RNF228: variants seen among roughly 807,000 people sequenced by gnomAD.
RNF228 encodes ring finger protein 228.
At chr2:222,319,429 C>A in the RNF228 span, 9 of 224,840 alleles carry the variant, frequency 4.0e-5, no homozygotes, top group African/African-American at 1.9e-4. The surrounding 1 kb of genome is among the most constrained non-coding windows in gnomAD (Gnocchi z 7.6). Context: ...GCGCGCAGGC[C>A]GGGGCGGGCT....
chr2:222,316,104 T>C, the RNF228 span, among the ~76,000 whole-genome samples: 2 of 152,254 alleles, frequency 1.3e-5, no homozygotes, highest in Non-Finnish European at 2.9e-5. Context: ...ACTTACTTGC[T>C]ATTTCAACAA....
At chr2:222,315,171 T>C in the RNF228 span, among the ~76,000 whole-genome samples, 2 of 152,118 alleles carry the variant, frequency 1.3e-5, no homozygotes, top group Non-Finnish European at 2.9e-5. Flanking sequence ...ATGGTCAGTG[T>C]GAGTCTGGAA....
chr2:222,318,056 C>A, the RNF228 span: 1 of 152,038 alleles, frequency 6.6e-6, no homozygotes, highest in African/African-American at 2.4e-5. Flanking sequence ...GAAAAAAAGG[C>A]GAGGGGAAGG....
the RNF228 span, among the ~76,000 whole-genome samples, chr2:222,319,935 G>A: frequency 6.6e-6 from 1 of 152,106 alleles, no homozygotes; most frequent in African/African-American, 2.4e-5. The surrounding 1 kb of genome is among the most constrained non-coding windows in gnomAD (Gnocchi z 7.6). Flanking sequence ...GACCGTCTCC[G>A]CTGCGTCCCG....
the RNF228 span, among the ~76,000 whole-genome samples, chr2:222,316,365 G>C: frequency 2.0e-5 from 3 of 152,214 alleles, no homozygotes; most frequent in Admixed American, 1.3e-4. Flanking sequence ...ATACTGATCT[G>C]CTAAGTGTGT....
chr2:222,319,862 G>A, the RNF228 span, among the ~76,000 whole-genome samples: 1 of 151,770 alleles, frequency 6.6e-6, no homozygotes. This position sits in a 1 kb window ranked among gnomAD's most constrained non-coding sequence, Gnocchi z 7.6. Context: ...GCGCGCGCCG[G>A]TCCGCGTCGA....
At chr2:222,318,956 G>C in the RNF228 span, 3 of 152,998 alleles carry the variant, frequency 2.0e-5, no homozygotes, top group African/African-American at 4.8e-5. Flanking sequence ...CGAGCGCACC[G>C]AGCCAGAGGC....
the RNF228 span, among the ~76,000 whole-genome samples, chr2:222,319,727 G>A: frequency 6.9e-6 from 1 of 145,914 alleles, no homozygotes; most frequent in East Asian, 2.0e-4. This position sits in a 1 kb window ranked among gnomAD's most constrained non-coding sequence, Gnocchi z 7.6. Context: ...CGGGCGGGCA[G>A]AGCCAGGGCG....
chr2:222,314,391 A>C, the RNF228 span, among the ~76,000 whole-genome samples: 1 of 152,260 alleles, frequency 6.6e-6, no homozygotes, highest in African/African-American at 2.4e-5. Flanking sequence ...CATAACTTCA[A>C]ACTAAGATCT....
At chr2:222,317,784 A>C in the RNF228 span, 1 of 152,228 alleles carries the variant, frequency 6.6e-6, no homozygotes, top group African/African-American at 2.4e-5. Context: ...AAAGGCAGAA[A>C]GACCTTCAGT....
At chr2:222,315,453 TA>T in the RNF228 span, among the ~76,000 whole-genome samples, 2 of 152,216 alleles carry the variant, frequency 1.3e-5, no homozygotes, top group Non-Finnish European at 2.9e-5. Flanking sequence ...CCACTGGGAA[TA>T]GAGTGGCCAG....
the RNF228 span, among the ~76,000 whole-genome samples, chr2:222,315,238 T>C: frequency 1.3e-5 from 2 of 152,172 alleles, no homozygotes; most frequent in African/African-American, 2.4e-5. Flanking sequence ...CAACAGAACA[T>C]TTATCAGCCA....
chr2:222,316,599 C>A, the RNF228 span, among the ~76,000 whole-genome samples: 2 of 152,192 alleles, frequency 1.3e-5, no homozygotes, highest in African/African-American at 2.4e-5. Context: ...AGACAGACTT[C>A]TAGGTTGCCA....
At chr2:222,315,814 G>T in the RNF228 span, among the ~76,000 whole-genome samples, 1 of 151,988 alleles carries the variant, frequency 6.6e-6, no homozygotes, top group African/African-American at 2.4e-5. Context: ...GAGACTGAAT[G>T]TTTAATTCGC....
chr2:222,314,416 C>G, the RNF228 span, among the ~76,000 whole-genome samples: 1 of 152,236 alleles, frequency 6.6e-6, no homozygotes, highest in Non-Finnish European at 1.5e-5. Context: ...GCAGTCATTT[C>G]TAACATTCAT....
chr2:222,319,706 C>A, the RNF228 span, among the ~76,000 whole-genome samples: 1 of 143,516 alleles, frequency 7.0e-6, no homozygotes, highest in Non-Finnish European at 1.5e-5. The surrounding 1 kb of genome is among the most constrained non-coding windows in gnomAD (Gnocchi z 7.6). Flanking sequence ...ACACCGGGCA[C>A]GCGATGGCGC....
the RNF228 span, chr2:222,318,779 C>A: frequency 6.6e-6 from 1 of 150,788 alleles, no homozygotes; most frequent in African/African-American, 2.4e-5. Context: ...AGACCCCCCC[C>A]CCCCACCAAC....
the RNF228 span, chr2:222,317,171 T>C: frequency 1.4e-4 from 21 of 152,332 alleles, 1 homozygote; most frequent in African/African-American, 5.0e-4. Context: ...AGGGGACATG[T>C]ATTTAAGGAA....
At chr2:222,319,807 T>C in the RNF228 span, among the ~76,000 whole-genome samples, 2 of 150,182 alleles carry the variant, frequency 1.3e-5, no homozygotes, top group African/African-American at 4.8e-5. The surrounding 1 kb of genome is among the most constrained non-coding windows in gnomAD (Gnocchi z 7.6). Context: ...TGCAGCTGGC[T>C]CAGGCACTCC....
Sources: gnomAD v4.1 joint callset for allele counts (sites outside exome capture counted in the v4.1 genomes callset) on GRCh38, gnomAD v4.1.1 for gene constraint, Gnocchi (gnomAD v3.1) non-coding constraint, MANE v1.5 for transcripts, NCBI Gene and HGNC (gene_info 2026-07-23, HGNC 2026-07-21) for gene names.